SLC2A13: variants seen among roughly 807,000 people sequenced by gnomAD.
SLC2A13 encodes solute carrier family 2 member 13, also known as proton myo-inositol cotransporter.
SLC2A13 carries 32 observed loss-of-function variants against 64.4 expected under a neutral mutation model. The observed-to-expected ratio is 0.50, with a 90% CI of 0.37 to 0.67. The LOEUF (loss-of-function observed/expected upper bound fraction) is 0.67, where lower values mean the gene tolerates loss of function less well. Among genes scored for constraint, SLC2A13 ranks in the 30% least tolerant of loss-of-function variants. The pLI is 0.00. For missense variants in SLC2A13, 743 were observed against 829.2 expected (o/e 0.90, Z 1.28); for synonymous variants, 338 against 327.1 (o/e 1.03, Z -0.36).
At chr12:39,981,617 C>T (rs1946902226) in intron 3 of SLC2A13, among the ~76,000 whole-genome samples, 1 of 151,780 alleles carries the variant, frequency 6.6e-6, no homozygotes, top group South Asian at 2.1e-4. Context: ...TCTCCCAAGA[C>T]TAAACCAGGA....
At chr12:39,961,931 A>G (rs1017541601) in intron 3 of SLC2A13, among the ~76,000 whole-genome samples, 1 of 152,158 alleles carries the variant, frequency 6.6e-6, no homozygotes, top group African/African-American at 2.4e-5. Flanking sequence ...TCCCAAGGAG[A>G]AAAAACAATG....
At position 40,105,664 on chromosome 12, in the gene SLC2A13, T is replaced by G. The variant is rs1592087932; in HGVS notation, c.145A>C (p.Thr49Pro). The G allele has an allele frequency of 6.7e-7, 1 of 1,491,986 alleles. No individual in the cohort carries two copies. Among genetic ancestry groups the G allele is most frequent in the Non-Finnish European group, 8.9e-7 (1 of 1,122,992 alleles). 92.4% of individuals were successfully genotyped at this position (1,491,986 alleles called of 1,614,324 possible). ...CCCGCGCCCGCGCTCTGCAGGCTGG[T>G]GCTCGATTCGGCGGCAGCCAGGAGG... Reference protein sequence around the residue: ...CSLLAAAESSTSLQSAGAGGG... With the variant: ...CSLLAAAESSPSLQSAGAGGG... The change falls in exon 1 of 10, where the codon ACC becomes CCC. Residue 49 changes from threonine (T) to proline (P), a missense_variant. Physicochemically the swap from Thr to Pro is conservative, Grantham distance 38 (BLOSUM62 -1). Coordinates refer to ENST00000280871, the MANE Select transcript of SLC2A13 (RefSeq NM_052885.4). The surrounding 1 kb of genome is among the most constrained non-coding windows in gnomAD (Gnocchi z 4.2).
At chr12:39,990,578 A>G (rs552063883) in intron 3 of SLC2A13, among the ~76,000 whole-genome samples, 48 of 152,252 alleles carry the variant, frequency 3.2e-4, no homozygotes, top group African/African-American at 1.1e-3. Flanking sequence ...TGGGTGCTCT[A>G]TTCACCCATA....
chr12:39,923,596 T>C (rs1323357226), intron 4 of SLC2A13, among the ~76,000 whole-genome samples: 1 of 151,744 alleles, frequency 6.6e-6, no homozygotes, highest in Non-Finnish European at 1.5e-5. Context: ...TTGCACAACA[T>C]TGTAAATATA....
chr12:39,771,409 T>C (rs1940571385), intron 7 of SLC2A13, among the ~76,000 whole-genome samples: 1 of 152,172 alleles, frequency 6.6e-6, no homozygotes, highest in African/African-American at 2.4e-5. Context: ...AGGATGCCTA[T>C]GCTGGGAGAT....
chr12:40,055,652 A>C (rs1272129954), intron 1 of SLC2A13, among the ~76,000 whole-genome samples: 1 of 152,026 alleles, frequency 6.6e-6, no homozygotes, highest in African/African-American at 2.4e-5. Flanking sequence ...GTGTTAACTG[A>C]TTGGTTTTAA....
chr12:39,853,971 A>ATCC (rs1943536169), intron 6 of SLC2A13, among the ~76,000 whole-genome samples: 1 of 152,168 alleles, frequency 6.6e-6, no homozygotes. Flanking sequence ...TTTTGTTAAA[A>ATCC]TAAAATCCTA....
chr12:40,020,998 A>G (rs1163730118), intron 3 of SLC2A13, among the ~76,000 whole-genome samples: 1 of 152,156 alleles, frequency 6.6e-6, no homozygotes, highest in Non-Finnish European at 1.5e-5. Flanking sequence ...GTAAGTGGGA[A>G]AAAAGAGATC....
intron 6 of SLC2A13, among the ~76,000 whole-genome samples, chr12:39,833,120 C>G (rs1408241235): frequency 6.6e-6 from 1 of 152,092 alleles, no homozygotes; most frequent in South Asian, 2.1e-4. Flanking sequence ...TGAGAAAAAT[C>G]TGGCGTACCA....
rs145469036 is a variant in SLC2A13, at chr12:39,817,618, C to T, written c.1445+12485G>A. ...ATACAGAATGCTTCATCTATATTCA[C>T]GAAAAAGTTAGCTGTACACAGTAGA... On this transcript the variant is annotated intron_variant, in intron 7 of 9. Transcript: ENST00000280871. Among the ~76,000 whole-genome samples, 68 of 152,220 alleles carry T rather than the reference C, an allele frequency of 4.5e-4. 2 individuals are homozygous for T. In the East Asian group the frequency reaches 0.011, roughly 25 times the overall value.
intron 4 of SLC2A13, among the ~76,000 whole-genome samples, chr12:39,889,805 C>T (rs1186354233): frequency 6.6e-6 from 1 of 152,144 alleles, no homozygotes; most frequent in Non-Finnish European, 1.5e-5. Flanking sequence ...GTTGGGATTA[C>T]AGGTGTGAGC....
intron 4 of SLC2A13, among the ~76,000 whole-genome samples, chr12:39,944,261 A>G (rs1437594781): frequency 6.6e-6 from 1 of 152,270 alleles, no homozygotes; most frequent in African/African-American, 2.4e-5. Flanking sequence ...TTTATGGCCT[A>G]TCATATGCTC....
intron 7 of SLC2A13, among the ~76,000 whole-genome samples, chr12:39,812,106 G>T (rs1269047396): frequency 6.6e-6 from 1 of 152,122 alleles, no homozygotes; most frequent in African/African-American, 2.4e-5. Flanking sequence ...GGGTTTTGGA[G>T]GCTGGGAAGT....
At chr12:39,781,239 T>C (rs1940972220) in intron 7 of SLC2A13, among the ~76,000 whole-genome samples, 1 of 152,198 alleles carries the variant, frequency 6.6e-6, no homozygotes, top group African/African-American at 2.4e-5. Flanking sequence ...GGTGAGTGAA[T>C]AGCTTAACAG....
chr12:39,892,093 C>G (rs944090387), intron 4 of SLC2A13, among the ~76,000 whole-genome samples: 15 of 152,206 alleles, frequency 9.9e-5, no homozygotes, highest in African/African-American at 3.6e-4. Flanking sequence ...TACCAAAAAG[C>G]ATTCATTCTA....
Position 39,942,585 on chromosome 12 carries a change from A to AT in SLC2A13, c.1034+8671dup, listed in dbSNP as rs1285379727. Reference sequence around the variant, plus strand: ...TTGTACCAGGAAACTTTGCTGAATTATTTTATCAGTTCTCAGAGCTTTCTA... The same window carrying AT: ...TTGTACCAGGAAACTTTGCTGAATTATTTTTATCAGTTCTCAGAGCTTTCTA... On this transcript the variant is annotated intron_variant, in intron 4 of 9. Transcript: ENST00000280871. Among the ~76,000 whole-genome samples the AT allele has an allele frequency of 1.1e-4, 16 of 152,222 alleles. No homozygotes were observed. In the East Asian group the frequency reaches 2.9e-3, roughly 28 times the overall value.
intron 3 of SLC2A13, among the ~76,000 whole-genome samples, chr12:39,959,227 A>G (rs1177378308): frequency 6.6e-6 from 1 of 152,176 alleles, no homozygotes; most frequent in African/African-American, 2.4e-5. Flanking sequence ...GATGTTTGTG[A>G]TTACAAGCTG....
intron 3 of SLC2A13, among the ~76,000 whole-genome samples, chr12:39,960,617 TA>T (rs1279446262): frequency 2.0e-5 from 3 of 152,032 alleles, no homozygotes; most frequent in African/African-American, 7.2e-5. Flanking sequence ...TGACCTCAAG[TA>T]ATCCACCCAC....
intron 7 of SLC2A13, among the ~76,000 whole-genome samples, chr12:39,781,448 G>C: frequency 6.6e-6 from 1 of 152,170 alleles, no homozygotes; most frequent in East Asian, 1.9e-4. Context: ...TCACCACTAT[G>C]CCCCAGGGGC....
Sources: allele counts gnomAD v4.1 joint callset (sites outside exome capture counted in the v4.1 genomes callset), GRCh38; gene constraint gnomAD v4.1.1; non-coding constraint Gnocchi (gnomAD v3.1); transcripts MANE v1.5; gene names NCBI Gene and HGNC (gene_info 2026-07-23, HGNC 2026-07-21).